PDE8B: variants seen among roughly 807,000 people sequenced by gnomAD.
PDE8B encodes the protein phosphodiesterase 8B.
Under a neutral mutation model 101.3 loss-of-function variants are expected in PDE8B, and 26 were observed. That is an observed-to-expected ratio of 0.26 (90% CI 0.19 to 0.36). PDE8B has a LOEUF of 0.36. Ranked by LOEUF, PDE8B falls within the 10% of genes least tolerant of loss-of-function variation. The pLI, the probability that PDE8B is intolerant of heterozygous loss-of-function variation, is 1.00. For missense variants in PDE8B, 810 were observed against 1,163.1 expected, an observed-to-expected ratio of 0.70 and a Z score of 4.42; for synonymous variants, 424 against 429.3, an observed-to-expected ratio of 0.99 and a Z score of 0.15.
chr5:77,232,235 T>C (rs1357990551), intron 1 of PDE8B, among the ~76,000 whole-genome samples: 1 of 152,246 alleles, frequency 6.6e-6, no homozygotes, highest in Non-Finnish European at 1.5e-5. Context: ...CAAAAGCTTC[T>C]TGTCTTTTAG....
chr5:77,351,252 A>C, intron 9 of PDE8B, 99 bp downstream of exon 9: 1 of 879,972 alleles, frequency 1.1e-6, no homozygotes, highest in Non-Finnish European at 1.9e-6. Flanking sequence ...ACATCCACAA[A>C]TGCAGTAGGG....
the PDE8B span, among the ~76,000 whole-genome samples, chr5:77,101,074 A>G: frequency 7.0e-6 from 1 of 142,266 alleles, no homozygotes; most frequent in Non-Finnish European, 1.5e-5. Context: ...GGCTCAAGTG[A>G]TCTTCCTGCC....
At chr5:77,349,161 G>A (rs1780647173) in intron 7 of PDE8B, among the ~76,000 whole-genome samples, 1 of 152,124 alleles carries the variant, frequency 6.6e-6, no homozygotes, top group South Asian at 2.1e-4. Flanking sequence ...AGTTTCTTCT[G>A]ATATCCTACA....
intron 17 of PDE8B, among the ~76,000 whole-genome samples, chr5:77,413,767 G>GT (rs2151112144): frequency 6.6e-6 from 1 of 152,232 alleles, no homozygotes; most frequent in South Asian, 2.1e-4. Context: ...TTTTGTGTAG[G>GT]TATGAACGTG....
intron 21 of PDE8B, chr5:77,426,208 A>C: frequency 1.7e-6 from 1 of 598,370 alleles, no homozygotes; most frequent in South Asian, 2.0e-5. Flanking sequence ...AGAATGCAAA[A>C]TGTATTTAGT....
chr5:77,143,407 G>A, the PDE8B span, among the ~76,000 whole-genome samples: 1 of 152,096 alleles, frequency 6.6e-6, no homozygotes, highest in Non-Finnish European at 1.5e-5. Context: ...TATACGCCAG[G>A]GATTTCTTAC....
At chr5:77,095,404 T>A in the PDE8B span, among the ~76,000 whole-genome samples, 1 of 152,224 alleles carries the variant, frequency 6.6e-6, no homozygotes, top group Admixed American at 6.5e-5. Flanking sequence ...GGTAAAGCCA[T>A]GTTTCATCTC....
At chr5:77,186,543 A>G in the PDE8B span, among the ~76,000 whole-genome samples, 1 of 152,154 alleles carries the variant, frequency 6.6e-6, no homozygotes, top group East Asian at 1.9e-4. Flanking sequence ...ATGACTGCAG[A>G]CTTACCTTCT....
intron 2 of PDE8B, 131 bp downstream of exon 2, chr5:77,312,184 ACCTCTGCCT>A: frequency 1.5e-6 from 1 of 684,936 alleles, no homozygotes; most frequent in South Asian, 1.6e-5. Context: ...GCTCACTGCA[ACCTCTGCCT>A]CCTGGGTTCA....
the PDE8B span, among the ~76,000 whole-genome samples, chr5:77,116,769 A>C: frequency 2.6e-5 from 4 of 152,384 alleles, no homozygotes; most frequent in Non-Finnish European, 2.9e-5. Flanking sequence ...CATAGTATTA[A>C]TCTTCCACAT....
chr5:77,426,514 A>G lies in PDE8B; in HGVS notation c.2618A>G (p.Asp873Gly). The G allele has an allele frequency of 6.2e-7, 1 of 1,613,606 alleles. No individual in the cohort carries two copies. Among genetic ancestry groups the G allele is most frequent in the Non-Finnish European group, 8.5e-7 (1 of 1,179,540 alleles). The change falls in exon 22 of 22, where the codon GAC becomes GGC. Residue 873 changes from aspartate (D) to glycine (G), a missense_variant. By Grantham distance (94) the Asp-to-Gly change is moderately conservative. Coordinates refer to ENST00000264917, the MANE Select transcript of PDE8B (RefSeq NM_003719.5). Reference protein sequence around the residue: ...DNYKHWKTLDDLKCKSLRLPS... With the variant: ...DNYKHWKTLDGLKCKSLRLPS... Reference sequence around the variant, plus strand: ...TACAAACACTGGAAGACACTAGATGACCTAAAGTGCAAAAGTTTGAGGCTT... The same window carrying G: ...TACAAACACTGGAAGACACTAGATGGCCTAAAGTGCAAAAGTTTGAGGCTT...
In PDE8B at chr5:77,397,026, A is replaced by ATTTTTTTTTTTTTTTTTTTTTTTTTTTTT. The variant is rs71606290; in HGVS notation, c.1168-3198_1168-3197insTTTTTTTTTTTTTTTTTTTTTTTTTTTTT. Among the ~76,000 whole-genome samples, 61 of 84,398 alleles carry ATTTTTTTTTTTTTTTTTTTTTTTTTTTTT rather than the reference A, an allele frequency of 7.2e-4. 5 individuals carry two copies. The highest frequency in any genetic ancestry group is 2.9e-3 in the East Asian group (7 of 2,388). 55.4% of individuals were successfully genotyped at this position (84,398 alleles called of 152,430 possible). On this transcript the variant is annotated intron_variant, in intron 10 of 21. Coordinates refer to ENST00000264917, the MANE Select transcript of PDE8B (RefSeq NM_003719.5). ...TTGGTTTCTATATTTCCGATAAGAA[A>ATTTTTTTTTTTTTTTTTTTTTTTTTTTTT]TTTTTTTTTTTTTTTTTTTTTTTTG...
chr5:77,219,823 C>A (rs955534502), intron 1 of PDE8B, among the ~76,000 whole-genome samples: 16 of 152,194 alleles, frequency 1.1e-4, no homozygotes, highest in African/African-American at 3.9e-4. Flanking sequence ...CTCTTTCCCC[C>A]ACAGTCGAGA....
At chr5:77,164,869 G>A in the PDE8B span, among the ~76,000 whole-genome samples, 10 of 152,092 alleles carry the variant, frequency 6.6e-5, 1 homozygote, top group Non-Finnish European at 1.3e-4. Context: ...AGAGCTTTGG[G>A]GAAGTTCTGC....
intron 4 of PDE8B, among the ~76,000 whole-genome samples, chr5:77,329,902 G>A (rs1214750443): frequency 6.6e-6 from 1 of 152,186 alleles, no homozygotes; most frequent in Non-Finnish European, 1.5e-5. Flanking sequence ...AAGCCATGTG[G>A]ATACAACAGG....
At chr5:77,090,825 A>C in the PDE8B span, among the ~76,000 whole-genome samples, 1 of 152,138 alleles carries the variant, frequency 6.6e-6, no homozygotes, top group Non-Finnish European at 1.5e-5. Flanking sequence ...ATGGACACTT[A>C]GATTGTTACC....
At chr5:77,210,561 G>T, upstream of PDE8B, 3 of 929,712 alleles carry the variant, frequency 3.2e-6, no homozygotes, top group Non-Finnish European at 3.8e-6. This position sits in a 1 kb window ranked among gnomAD's most constrained non-coding sequence, Gnocchi z 4.9. Flanking sequence ...AGCCCGGCGA[G>T]GTCGAGCTGG....
chr5:77,315,372 A>T (rs1188380447), intron 2 of PDE8B, among the ~76,000 whole-genome samples: 1 of 152,152 alleles, frequency 6.6e-6, no homozygotes, highest in East Asian at 1.9e-4. Flanking sequence ...ACCCCACCAT[A>T]TTAATGTCTG....
intron 2 of PDE8B, among the ~76,000 whole-genome samples, chr5:77,314,072 G>A (rs1773270743): frequency 6.6e-6 from 1 of 151,748 alleles, no homozygotes; most frequent in South Asian, 2.1e-4. Flanking sequence ...GATCCATTTT[G>A]GGTTAATTTT....
Sources: gnomAD v4.1 joint callset for allele counts (sites outside exome capture counted in the v4.1 genomes callset) on GRCh38, gnomAD v4.1.1 for gene constraint, Gnocchi (gnomAD v3.1) non-coding constraint, MANE v1.5 for transcripts, NCBI Gene and HGNC (gene_info 2026-07-23, HGNC 2026-07-21) for gene names.